The following NTM variants were observed in gnomAD, a reference collection of about 807,000 sequenced individuals.
The protein encoded by NTM is neurotrimin, also known as IgLON family member 2.
NTM carries 13 observed loss-of-function variants against 42.1 expected under a neutral mutation model. That is an observed-to-expected ratio of 0.31 (90% CI 0.20 to 0.49). NTM has a LOEUF of 0.49. Ranked by LOEUF, NTM falls within the 20% of genes least tolerant of loss-of-function variation. The pLI, the probability that NTM is intolerant of heterozygous loss-of-function variation, is 0.99. For missense variants in NTM, 373 were observed against 452.8 expected (o/e 0.82, Z 1.60); for synonymous variants, 187 against 179.2 (o/e 1.04, Z -0.35).
chr11:131,968,213 G>A (rs138355090), intron 2 of NTM, among the ~76,000 whole-genome samples: 46 of 152,232 alleles, frequency 3.0e-4, no homozygotes, highest in African/African-American at 1.0e-3. Context: ...AAACTAAGAC[G>A]TAAGCAGGCT....
intron 2 of NTM, among the ~76,000 whole-genome samples, chr11:132,026,731 G>C (rs985960589): frequency 6.6e-6 from 1 of 152,166 alleles, no homozygotes; most frequent in Non-Finnish European, 1.5e-5. Flanking sequence ...TTTAACTTGG[G>C]TTTTGATTGG....
chr11:131,795,485 C>A (rs1406492886), intron 1 of NTM: 1 of 985,390 alleles, frequency 1.0e-6, no homozygotes. Flanking sequence ...CTGGTTGCCT[C>A]CAAGCTGCCC....
chr11:131,934,460 A>G (rs1241139957), intron 2 of NTM, among the ~76,000 whole-genome samples: 2 of 152,192 alleles, frequency 1.3e-5, no homozygotes, highest in African/African-American at 4.8e-5. Context: ...CACAGGGTAA[A>G]TATTCATTCA....
chr11:132,290,148 T>C (rs935833348), intron 4 of NTM, among the ~76,000 whole-genome samples: 15 of 152,184 alleles, frequency 9.9e-5, no homozygotes, highest in Non-Finnish European at 1.8e-4. Flanking sequence ...TTGTCAGTTA[T>C]AATGAATGGG....
intron 7 of NTM, among the ~76,000 whole-genome samples, chr11:132,327,599 C>T (rs760028026): frequency 7.2e-5 from 11 of 152,210 alleles, no homozygotes; most frequent in Admixed American, 1.3e-4. Context: ...ACCAGCCCTC[C>T]TCTGCCCACT....
intron 1 of NTM, chr11:131,534,260 A>G (rs1434541005): frequency 6.6e-6 from 1 of 152,210 alleles, no homozygotes; most frequent in Non-Finnish European, 1.5e-5. Context: ...CAGGCTACTC[A>G]GCAGGGGGAG....
intron 2 of NTM, among the ~76,000 whole-genome samples, chr11:131,940,731 A>C (rs1190241194): frequency 6.6e-6 from 1 of 152,232 alleles, no homozygotes; most frequent in Non-Finnish European, 1.5e-5. Context: ...GATACCAGAC[A>C]TGGGGATCCA....
At chr11:131,497,232 A>G (rs541005594) in intron 1 of NTM, among the ~76,000 whole-genome samples, 50 of 152,234 alleles carry the variant, frequency 3.3e-4, no homozygotes, top group Non-Finnish European at 6.8e-4. Context: ...TCTGTCACCC[A>G]GCCTGGAGTG....
intron 1 of NTM, among the ~76,000 whole-genome samples, chr11:131,829,245 A>G (rs1260023353): frequency 6.6e-6 from 1 of 152,102 alleles, no homozygotes; most frequent in Non-Finnish European, 1.5e-5. Flanking sequence ...TTACTTGGGT[A>G]TATCATGTGA....
At chr11:131,705,953 TAAC>T (rs2076549640) in intron 1 of NTM, among the ~76,000 whole-genome samples, 1 of 151,834 alleles carries the variant, frequency 6.6e-6, no homozygotes, top group Admixed American at 6.6e-5. Context: ...AGAAAACAAT[TAAC>T]AAAATAGCCA....
chr11:132,101,741 C>T (rs1015037510), intron 2 of NTM, among the ~76,000 whole-genome samples: 1 of 152,192 alleles, frequency 6.6e-6, no homozygotes, highest in Non-Finnish European at 1.5e-5. Context: ...TGTAGGTATA[C>T]ACCTCACTAT....
At chr11:131,847,438 C>A (rs565890697) in intron 1 of NTM, among the ~76,000 whole-genome samples, 1 of 151,998 alleles carries the variant, frequency 6.6e-6, no homozygotes, top group Admixed American at 6.6e-5. Context: ...CAGAAATAGA[C>A]CATTGTACAT....
chr11:132,188,729 T>C (rs1438492105), intron 3 of NTM, among the ~76,000 whole-genome samples: 1 of 152,184 alleles, frequency 6.6e-6, no homozygotes, highest in Non-Finnish European at 1.5e-5. Context: ...CATAACTGTA[T>C]CTCACAATTA....
chr11:132,183,850 G>A (rs897655364), intron 3 of NTM, among the ~76,000 whole-genome samples: 2 of 151,704 alleles, frequency 1.3e-5, no homozygotes, highest in African/African-American at 4.8e-5. Flanking sequence ...TTCTGTTTTA[G>A]AATACCTTGC....
At chr11:132,245,597 TAGG>T (rs2090999123) in intron 4 of NTM, among the ~76,000 whole-genome samples, 1 of 152,014 alleles carries the variant, frequency 6.6e-6, no homozygotes, top group African/African-American at 2.4e-5. Context: ...TGACAGCAAT[TAGG>T]AGAGCCTTTC....
At chr11:131,374,809 G>A (rs1266089984) in intron 1 of NTM, among the ~76,000 whole-genome samples, 4 of 152,136 alleles carry the variant, frequency 2.6e-5, no homozygotes, top group Non-Finnish European at 5.9e-5. Context: ...AATCAATATG[G>A]GGCACATGAT....
intron 4 of NTM, among the ~76,000 whole-genome samples, chr11:132,269,237 T>C (rs1488936353): frequency 1.3e-5 from 2 of 152,210 alleles, no homozygotes; most frequent in African/African-American, 2.4e-5. Context: ...ATGCATTCTA[T>C]TGCAGGTGTA....
At chr11:131,548,379 A>G (rs1220247765) in intron 1 of NTM, among the ~76,000 whole-genome samples, 1 of 152,144 alleles carries the variant, frequency 6.6e-6, no homozygotes, top group African/African-American at 2.4e-5. Context: ...AAAGGCATAA[A>G]AATTATTATT....
At chr11:131,872,593 C>G (rs2137095984) in intron 1 of NTM, among the ~76,000 whole-genome samples, 1 of 152,248 alleles carries the variant, frequency 6.6e-6, no homozygotes, top group African/African-American at 2.4e-5. Context: ...GTATATCTCT[C>G]TGCATGTGTG....
Sources: gnomAD v4.1 joint callset for allele counts (sites outside exome capture counted in the v4.1 genomes callset) on GRCh38, gnomAD v4.1.1 for gene constraint, MANE v1.5 for transcripts, NCBI Gene and HGNC (gene_info 2026-07-23, HGNC 2026-07-21) for gene names.